The following EXT1 variants were observed in gnomAD, a reference collection of about 807,000 sequenced individuals.
The protein encoded by EXT1 is exostosin glycosyltransferase 1.
Under a neutral mutation model 82.5 loss-of-function variants are expected in EXT1, and 20 were observed. The ratio of observed to expected loss-of-function variants is 0.24; its 90% CI spans 0.17 to 0.35. The LOEUF is 0.35. Ranked by LOEUF, EXT1 falls within the 10% of genes least tolerant of loss-of-function variation. EXT1 has a pLI of 1.00. For missense variants in EXT1, 757 were observed against 936.5 expected (o/e 0.81, Z 2.50); for synonymous variants, 348 against 350.8 (o/e 0.99, Z 0.09).
chr8:117,875,375 C>A (rs1231301113), intron 1 of EXT1, among the ~76,000 whole-genome samples: 1 of 151,674 alleles, frequency 6.6e-6, no homozygotes, highest in Admixed American at 6.6e-5. Context: ...GAGCTGAGAT[C>A]GTGCCACTGC....
At chr8:117,942,655 G>A (rs1299133452) in intron 1 of EXT1, among the ~76,000 whole-genome samples, 1 of 152,108 alleles carries the variant, frequency 6.6e-6, no homozygotes. Context: ...AGGTTGCGGT[G>A]AGCTGAGATC....
intron 1 of EXT1, among the ~76,000 whole-genome samples, chr8:118,047,406 C>T (rs1816639551): frequency 6.6e-6 from 1 of 152,104 alleles, no homozygotes; most frequent in African/African-American, 2.4e-5. Context: ...TTATTTTAAG[C>T]ACTAAATAAG....
intron 1 of EXT1, among the ~76,000 whole-genome samples, chr8:117,983,520 G>A (rs1410878693): frequency 6.6e-6 from 1 of 152,000 alleles, no homozygotes; most frequent in African/African-American, 2.4e-5. Context: ...AAATCCAAAT[G>A]GCAACATGGA....
chr8:118,048,472 T>C (rs1280950442), intron 1 of EXT1, among the ~76,000 whole-genome samples: 2 of 152,238 alleles, frequency 1.3e-5, no homozygotes, highest in Admixed American at 1.3e-4. Context: ...GTTAATTTTA[T>C]TTTAACCCTC....
chr8:117,918,710 C>T (rs78191886), intron 1 of EXT1, among the ~76,000 whole-genome samples: 5,233 of 152,244 alleles, frequency 0.034, 116 homozygotes, highest in Middle Eastern at 0.061. Context: ...ACTGAGCGTC[C>T]CACTGAGCTA....
chr8:117,830,317 A>T lies in EXT1; in HGVS notation c.1197T>A (p.Asp399Glu). The change falls in exon 4 of 11, where the codon GAT becomes GAA. Residue 399 changes from aspartate (D) to glutamate (E), a missense_variant. This residue lies in a region of EXT1 where 207 missense variants were observed against 224.2 expected (regional missense o/e 0.92). Coordinates refer to ENST00000378204, the MANE Select transcript of EXT1 (RefSeq NM_000127.3). Reference protein sequence around the residue: ...IPSTIRSIHQDKILALRQQTQ... With the variant: ...IPSTIRSIHQEKILALRQQTQ... ...TCTGCTGTCTAAGTGCTAGGATTTT[A>T]TCCTGATGAATAGACCTGATTGTAG... The T allele has an allele frequency of 6.2e-7, 1 of 1,614,102 alleles. No homozygotes were observed. The highest frequency in any genetic ancestry group is 8.5e-7 in the Non-Finnish European group (1 of 1,179,976).
At chr8:117,857,219 A>C (rs1812580873) in intron 1 of EXT1, among the ~76,000 whole-genome samples, 1 of 152,162 alleles carries the variant, frequency 6.6e-6, no homozygotes, top group Non-Finnish European at 1.5e-5. Context: ...TGTTGTTTTC[A>C]TGCATGCTAA....
intron 1 of EXT1, among the ~76,000 whole-genome samples, chr8:118,099,947 G>A (rs1432688704): frequency 6.6e-6 from 1 of 152,130 alleles, no homozygotes; most frequent in African/African-American, 2.4e-5. Flanking sequence ...AAGCAACTTT[G>A]GGCTGTTTTC....
At chr8:117,830,399 T>C in intron 3 of EXT1, 50 bp from the exon 4 acceptor site, 1 of 1,605,128 alleles carries the variant, frequency 6.2e-7, no homozygotes, top group Non-Finnish European at 8.5e-7. Context: ...AACAAAGAGA[T>C]GCACTTGATC....
At chr8:118,036,087 T>G (rs1221937483) in intron 1 of EXT1, among the ~76,000 whole-genome samples, 1 of 150,720 alleles carries the variant, frequency 6.6e-6, no homozygotes, top group Admixed American at 6.6e-5. Flanking sequence ...TTTTTTTTTT[T>G]CATGTATCTG....
intron 1 of EXT1, among the ~76,000 whole-genome samples, chr8:117,944,891 G>A (rs1025259906): frequency 9.9e-5 from 15 of 152,178 alleles, no homozygotes; most frequent in African/African-American, 2.4e-5. Context: ...GGCCAGGCGC[G>A]GTGGCTCACG....
At chr8:117,977,835 T>G (rs900671651) in intron 1 of EXT1, among the ~76,000 whole-genome samples, 1 of 152,168 alleles carries the variant, frequency 6.6e-6, no homozygotes, top group Non-Finnish European at 1.5e-5. Context: ...AATTTAAATT[T>G]AAGGACTAAA....
At chr8:117,799,989 G>T in intron 10 of EXT1, 92 bp from the exon 11 acceptor site, 1 of 1,379,730 alleles carries the variant, frequency 7.2e-7, no homozygotes, top group Non-Finnish European at 1.0e-6. Context: ...AAATGAGCAA[G>T]CAGCAAAGCT....
chr8:117,854,519 A>G (rs2129840329), intron 1 of EXT1, among the ~76,000 whole-genome samples: 1 of 152,318 alleles, frequency 6.6e-6, no homozygotes, highest in South Asian at 2.1e-4. Context: ...TTCATCTTTA[A>G]ATCAAAGTCC....
At position 117,796,656 on chromosome 8, in the gene EXT1, CCTT is replaced by C. The variant is rs1823093228; in HGVS notation, c.*3053_*3055del. 1 of 152,156 alleles carries C rather than the reference CCTT, an allele frequency of 6.6e-6. No homozygotes were observed. Among genetic ancestry groups the C allele is most frequent in the Non-Finnish European group, 1.5e-5 (1 of 68,028 alleles). 9.4% of individuals were successfully genotyped at this position (152,156 alleles called of 1,614,324 possible). ...CATAAGATTCCAGTAACAAGCTTTCCCTTTTTTTTTGAAGCATCTATCTGAAAG... is the reference window on the plus strand; with the variant it reads ...CATAAGATTCCAGTAACAAGCTTTCCTTTTTTTGAAGCATCTATCTGAAAG... On this transcript the variant is annotated 3_prime_UTR_variant, in exon 11 of 11. Coordinates refer to ENST00000378204, the MANE Select transcript of EXT1 (RefSeq NM_000127.3).
At chr8:117,999,256 T>C (rs971643664) in intron 1 of EXT1, among the ~76,000 whole-genome samples, 6 of 152,152 alleles carry the variant, frequency 3.9e-5, no homozygotes, top group Non-Finnish European at 8.8e-5. Context: ...AATATGTCAA[T>C]ATTTGATTTA....
At chr8:117,857,539 CA>C (rs60946277) in intron 1 of EXT1, among the ~76,000 whole-genome samples, 97,560 of 143,034 alleles carry the variant, frequency 0.68, 33,006 homozygotes, top group African/African-American at 0.8. Context: ...TTCCCCCCGC[CA>C]AAAAAAAAAA....
intron 1 of EXT1, among the ~76,000 whole-genome samples, chr8:117,997,314 A>T (rs1221484900): frequency 2.7e-5 from 4 of 147,588 alleles, no homozygotes; most frequent in Non-Finnish European, 3.0e-5. Context: ...TATATATATA[A>T]TTTTTTTTAA....
At chr8:117,971,829 T>C (rs985301855) in intron 1 of EXT1, among the ~76,000 whole-genome samples, 1 of 152,170 alleles carries the variant, frequency 6.6e-6, no homozygotes, top group Non-Finnish European at 1.5e-5. Context: ...TATATGCCAA[T>C]GCATTCAAGA....
Sources: allele counts gnomAD v4.1 joint callset (sites outside exome capture counted in the v4.1 genomes callset), GRCh38; gene constraint gnomAD v4.1.1; regional missense constraint gnomAD v4.1.1; transcripts MANE v1.5; gene names NCBI Gene and HGNC (gene_info 2026-07-23, HGNC 2026-07-21).